DRC9: variants seen among roughly 807,000 people sequenced by gnomAD.
DRC9 encodes dynein regulatory complex protein 9.
chr3:197,948,248 A>G, the DRC9 span, among the ~76,000 whole-genome samples: 1 of 152,134 alleles, frequency 6.6e-6, no homozygotes, highest in African/African-American at 2.4e-5. Flanking sequence ...TTTGTTTTAA[A>G]AAGTATTCTT....
At chr3:197,939,035 C>T in the DRC9 span, 1 of 432,164 alleles carries the variant, frequency 2.3e-6, no homozygotes, top group Non-Finnish European at 4.1e-6. Context: ...TGTGAAATAT[C>T]TCTGTTAGCA....
At chr3:197,954,512 TTTG>T in the DRC9 span, 2 of 336,336 alleles carry the variant, frequency 5.9e-6, no homozygotes, top group Non-Finnish European at 1.1e-5. Flanking sequence ...TTTTGGGGTT[TTTG>T]TTGTGTTTTT....
chr3:197,889,827 TC>T, the DRC9 span: 1 of 1,276,692 alleles, frequency 7.8e-7, no homozygotes, highest in Non-Finnish European at 1.1e-6. Context: ...ACAGTCTCTC[TC>T]CAGGACATGG....
At chr3:197,949,287 T>C in the DRC9 span, 1 of 152,196 alleles carries the variant, frequency 6.6e-6, no homozygotes, top group East Asian at 1.9e-4. Context: ...ATCCATAGGA[T>C]AACCCAAATA....
At chr3:197,925,983 G>T in the DRC9 span, 1 of 1,010,732 alleles carries the variant, frequency 9.9e-7, no homozygotes, top group East Asian at 2.4e-5. Context: ...TAATAGCTGT[G>T]TTAGCTCGGT....
chr3:197,945,685 A>G, the DRC9 span: 5 of 1,308,392 alleles, frequency 3.8e-6, no homozygotes, highest in Admixed American at 2.2e-5. Context: ...AAGTGCAGTT[A>G]CCTAAAATGG....
At chr3:197,906,019 T>TA in the DRC9 span, among the ~76,000 whole-genome samples, 260 of 146,664 alleles carry the variant, frequency 1.8e-3, no homozygotes, top group Admixed American at 2.2e-3. Flanking sequence ...AGTTGATGAT[T>TA]AAAAAAAAAA....
the DRC9 span, among the ~76,000 whole-genome samples, chr3:197,910,728 C>T: frequency 6.6e-6 from 1 of 152,086 alleles, no homozygotes; most frequent in Non-Finnish European, 1.5e-5. Context: ...GCCTGTAATC[C>T]CAGCACTTTG....
chr3:197,952,039 T>C, the DRC9 span, among the ~76,000 whole-genome samples: 2 of 152,166 alleles, frequency 1.3e-5, no homozygotes, highest in Non-Finnish European at 2.9e-5. Context: ...ATAAAGGAGG[T>C]AATTCCTTAT....
At chr3:197,953,372 G>A in the DRC9 span, 1 of 452,002 alleles carries the variant, frequency 2.2e-6, no homozygotes, top group Non-Finnish European at 4.5e-6. Flanking sequence ...CAACCCCGTG[G>A]TCTTTAAAGG....
the DRC9 span, among the ~76,000 whole-genome samples, chr3:197,942,987 C>A: frequency 6.6e-6 from 1 of 151,670 alleles, no homozygotes; most frequent in Non-Finnish European, 1.5e-5. Context: ...AAATTGTTTC[C>A]ATTTTATACC....
the DRC9 span, among the ~76,000 whole-genome samples, chr3:197,893,484 C>T: frequency 6.6e-6 from 1 of 151,614 alleles, no homozygotes; most frequent in Non-Finnish European, 1.5e-5. Context: ...AGCATCGGAT[C>T]TCTCTTTGAT....
the DRC9 span, among the ~76,000 whole-genome samples, chr3:197,897,658 A>G: frequency 3.1e-3 from 476 of 152,000 alleles, 5 homozygotes; most frequent in African/African-American, 0.011. Context: ...TTTATAAAAT[A>G]TTGTCTGTAA....
the DRC9 span, among the ~76,000 whole-genome samples, chr3:197,893,829 C>G: frequency 2.0e-5 from 3 of 151,818 alleles, no homozygotes; most frequent in East Asian, 3.9e-4. Context: ...GCCTGGGTGA[C>G]AGAGTGAGAC....
chr3:197,895,708 C>T, the DRC9 span, among the ~76,000 whole-genome samples: 4 of 152,118 alleles, frequency 2.6e-5, no homozygotes, highest in Admixed American at 1.3e-4. Context: ...TGCCGTGGCT[C>T]ACACTATAAT....
chr3:197,956,147 G>A, the DRC9 span: 859 of 274,004 alleles, frequency 3.1e-3, 8 homozygotes, highest in Non-Finnish European at 5.2e-3. Flanking sequence ...TGTAGAGAGG[G>A]TCTGACTCTT....
At chr3:197,946,395 A>G in the DRC9 span, among the ~76,000 whole-genome samples, 1 of 144,250 alleles carries the variant, frequency 6.9e-6, no homozygotes, top group Admixed American at 7.1e-5. Context: ...AGATCGCGCC[A>G]CTGCACTCCA....
At chr3:197,934,183 C>CTTTTTTTTTT in the DRC9 span, among the ~76,000 whole-genome samples, 835 of 99,296 alleles carry the variant, frequency 8.4e-3, 94 homozygotes, top group African/African-American at 0.017. Flanking sequence ...CATTCTGGGT[C>CTTTTTTTTTT]TTTTTTTTTT....
chr3:197,951,252 C>G, the DRC9 span: 1 of 1,613,912 alleles, frequency 6.2e-7, no homozygotes, highest in African/African-American at 1.3e-5. Context: ...GTGTTTACGC[C>G]CGAGATGAAA....
Sources: gnomAD v4.1 joint callset for allele counts (sites outside exome capture counted in the v4.1 genomes callset) on GRCh38, gnomAD v4.1.1 for gene constraint, MANE v1.5 for transcripts, NCBI Gene and HGNC (gene_info 2026-07-23, HGNC 2026-07-21) for gene names.